The following MAMDC2 variants were observed in gnomAD, a reference collection of about 807,000 sequenced individuals.
The protein encoded by MAMDC2 is MAM domain containing 2.
MAMDC2 carries 57 observed loss-of-function variants against 89.8 expected under a neutral mutation model. The observed-to-expected ratio is 0.63, with a 90% CI of 0.51 to 0.79. The LOEUF is 0.79. Ranked by LOEUF, MAMDC2 falls within the 30% of genes least tolerant of loss-of-function variation. The pLI is 0.00. For missense variants in MAMDC2, 800 were observed against 820.6 expected (o/e 0.97, Z 0.31); for synonymous variants, 313 against 293.4 (o/e 1.07, Z -0.68).
At chr9:70,049,250 G>A (rs771038942) in intron 2 of MAMDC2, among the ~76,000 whole-genome samples, 4 of 152,122 alleles carry the variant, frequency 2.6e-5, no homozygotes, top group Non-Finnish European at 4.4e-5. Context: ...CCGAAATCAC[G>A]TGTAAATACA....
At position 70,173,200 on chromosome 9, in the gene MAMDC2, A is replaced by C. The variant is rs567611582; in HGVS notation, c.1651+2569A>C. On this transcript the variant is annotated intron_variant, in intron 11 of 13. Transcript: ENST00000377182. ...GCAACTGCAGTCTCATGGGCCTTTC[A>C]ACATTGAATCTAGCGGAAAGTGAAA... Among the ~76,000 whole-genome samples, 5 of 152,234 alleles carry C rather than the reference A, an allele frequency of 3.3e-5. No homozygotes were observed. The East Asian group carries it at 9.7e-4, about 29-fold the overall frequency.
At chr9:70,198,267 A>G (rs887693975) in intron 11 of MAMDC2, among the ~76,000 whole-genome samples, 1 of 151,776 alleles carries the variant, frequency 6.6e-6, no homozygotes, top group Non-Finnish European at 1.5e-5. Flanking sequence ...AACTACATAT[A>G]TACAGTTTGG....
intron 11 of MAMDC2, among the ~76,000 whole-genome samples, chr9:70,195,626 C>T (rs2032961714): frequency 6.6e-6 from 1 of 152,034 alleles, no homozygotes; most frequent in African/African-American, 2.4e-5. Flanking sequence ...TGCGAATCAC[C>T]CATTTCACTA....
At chr9:70,209,523 T>C (rs1241298157) in intron 11 of MAMDC2, among the ~76,000 whole-genome samples, 2 of 135,326 alleles carry the variant, frequency 1.5e-5, no homozygotes, top group African/African-American at 2.7e-5. Flanking sequence ...TTCTCTGTTC[T>C]TTTTTATTAG....
chr9:70,092,466 C>G (rs1367993626), intron 2 of MAMDC2: 2 of 152,188 alleles, frequency 1.3e-5, no homozygotes, highest in African/African-American at 4.8e-5. Flanking sequence ...GATCTGTAAA[C>G]TGGGAAAAAC....
chr9:70,215,688 G>A (rs1236978122), intron 11 of MAMDC2, among the ~76,000 whole-genome samples: 1 of 152,218 alleles, frequency 6.6e-6, no homozygotes, highest in Non-Finnish European at 1.5e-5. Flanking sequence ...GCAACCTGAA[G>A]TGACAGACAC....
intron 11 of MAMDC2, among the ~76,000 whole-genome samples, chr9:70,210,771 G>A (rs2033339454): frequency 6.7e-6 from 1 of 148,508 alleles, no homozygotes; most frequent in Admixed American, 6.9e-5. Context: ...GCTGGTACCG[G>A]TTGTTCCTTT....
At position 70,053,318 on chromosome 9, in the gene MAMDC2, A is replaced by C. The variant is rs200133340; in HGVS notation, c.148+8621A>C. ...ATAAGATAATAAAACAAGTGGTATC[A>C]TTACCATAATTTCATTGCATCATGA... On this transcript the variant is annotated intron_variant, in intron 2 of 13. Coordinates refer to ENST00000377182, the MANE Select transcript of MAMDC2 (RefSeq NM_153267.5). 3.3e-5 allele frequency among the ~76,000 whole-genome samples: 5 copies of C among 152,352 alleles called. No homozygotes were observed. The East Asian group carries it at 9.6e-4, about 29-fold the overall frequency.
At position 70,183,792 on chromosome 9, in the gene MAMDC2, C is replaced by T. The variant is rs368813614; in HGVS notation, c.1651+13161C>T. On this transcript the variant is annotated intron_variant, in intron 11 of 13. Transcript: ENST00000377182. ...TACAGCACACTGATGGGTCTTGACTCTATCCAATTTGCCAGTCTGTGTCTT... is the reference window on the plus strand; with the variant it reads ...TACAGCACACTGATGGGTCTTGACTTTATCCAATTTGCCAGTCTGTGTCTT... Among the ~76,000 whole-genome samples the T allele has an allele frequency of 3.4e-4, 52 of 152,176 alleles. No homozygotes were observed. The East Asian group carries it at 6.9e-3, about 20-fold the overall frequency.
chr9:70,210,055 C>G (rs112513432), intron 11 of MAMDC2, among the ~76,000 whole-genome samples: 2 of 152,138 alleles, frequency 1.3e-5, no homozygotes. Context: ...TTACTTCCAA[C>G]TATGTGGTCA....
chr9:70,158,741 T>C (rs1475800284), intron 9 of MAMDC2, among the ~76,000 whole-genome samples: 3 of 150,624 alleles, frequency 2.0e-5, no homozygotes, highest in African/African-American at 7.3e-5. Context: ...GAGGATATCA[T>C]AGAATATTTA....
chr9:70,179,637 A>C (rs1373135253), intron 11 of MAMDC2, among the ~76,000 whole-genome samples: 2 of 150,478 alleles, frequency 1.3e-5, no homozygotes, highest in Non-Finnish European at 1.5e-5. Context: ...AAAAAAAAAC[A>C]AAAGCTTTAA....
chr9:70,050,393 C>T (rs1014633400), intron 2 of MAMDC2, among the ~76,000 whole-genome samples: 1 of 152,208 alleles, frequency 6.6e-6, no homozygotes, highest in Non-Finnish European at 1.5e-5. Flanking sequence ...TGAAGAACGG[C>T]TTAAGCCTCG....
chr9:70,080,504 T>G (rs1306080370), intron 2 of MAMDC2, among the ~76,000 whole-genome samples: 1 of 152,246 alleles, frequency 6.6e-6, no homozygotes, highest in Non-Finnish European at 1.5e-5. Context: ...TTCCTGTTGC[T>G]GGAAATTTTT....
chr9:70,044,553 G>A (rs1421454450), intron 1 of MAMDC2, 31 bp from the exon 2 acceptor site: 1 of 1,525,122 alleles, frequency 6.6e-7, no homozygotes, highest in East Asian at 2.5e-5. Flanking sequence ...CCTGGGTGGA[G>A]CTCGAACTGA....
At chr9:70,225,326 G>A (rs1181015820) in intron 12 of MAMDC2, among the ~76,000 whole-genome samples, 2 of 151,774 alleles carry the variant, frequency 1.3e-5, no homozygotes, top group African/African-American at 2.4e-5. Flanking sequence ...TTTCCACCTC[G>A]TAGCAGTATC....
At chr9:70,088,249 C>A (rs1372979961) in intron 2 of MAMDC2, 1 of 151,978 alleles carries the variant, frequency 6.6e-6, no homozygotes, top group Admixed American at 6.6e-5. Context: ...GAAAACCCTG[C>A]CTTTTAGGTC....
chr9:70,161,391 T>C (rs1400972687), intron 9 of MAMDC2, among the ~76,000 whole-genome samples: 1 of 152,296 alleles, frequency 6.6e-6, no homozygotes, highest in East Asian at 1.9e-4. Context: ...TTAAATCAGA[T>C]GGGTCTTTTA....
In MAMDC2 at chr9:70,131,201, C is replaced by T. The variant is rs1371192447; in HGVS notation, c.901-318C>T. 2.0e-5 allele frequency among the ~76,000 whole-genome samples: 3 copies of T among 152,154 alleles called. No individual in the cohort carries two copies. In the East Asian group the frequency reaches 5.8e-4, roughly 29 times the overall value. On this transcript the variant is annotated intron_variant, in intron 6 of 13. Coordinates refer to ENST00000377182, the MANE Select transcript of MAMDC2 (RefSeq NM_153267.5). ...GACCTCACTTATAAGGGTACCAATCCCATTCCAAAACCTAATCACCTCCCA... is the reference window on the plus strand; with the variant it reads ...GACCTCACTTATAAGGGTACCAATCTCATTCCAAAACCTAATCACCTCCCA...
Sources: gnomAD v4.1 joint callset for allele counts (sites outside exome capture counted in the v4.1 genomes callset) on GRCh38, gnomAD v4.1.1 for gene constraint, MANE v1.5 for transcripts, NCBI Gene and HGNC (gene_info 2026-07-23, HGNC 2026-07-21) for gene names.